The following GPSM1 variants were observed in gnomAD, a reference collection of about 807,000 sequenced individuals.
The protein encoded by GPSM1 is G protein signaling modulator 1.
GPSM1 carries 48 observed loss-of-function variants against 70.5 expected under a neutral mutation model. That is an observed-to-expected ratio of 0.68 (90% CI 0.54 to 0.87). GPSM1 has a LOEUF of 0.87. GPSM1 is among the 40% of genes least tolerant of loss of function. The probability of loss-of-function intolerance (pLI) is 0.00; values close to 1 mark genes in which losing one functional copy is unlikely to be tolerated. For missense variants in GPSM1, 981 were observed against 972.6 expected (o/e 1.01, Z -0.11); for synonymous variants, 416 against 430.1 (o/e 0.97, Z 0.41).
intron 9 of GPSM1, among the ~76,000 whole-genome samples, chr9:136,344,060 G>C (rs1554770794): frequency 6.6e-6 from 1 of 152,070 alleles, no homozygotes; most frequent in African/African-American, 2.4e-5. Context: ...CAGCTGATAG[G>C]TGAGGAACGG....
chr9:136,328,518 A>G (rs1194246467), intron 1 of GPSM1, among the ~76,000 whole-genome samples: 1 of 152,106 alleles, frequency 6.6e-6, no homozygotes, highest in Non-Finnish European at 1.5e-5. Context: ...AGAGCGAGGG[A>G]CACTATTGTC....
rs1012469471 is a variant in GPSM1, at chr9:136,343,955, A to G, written c.1207+2962A>G. On this transcript the variant is annotated intron_variant, in intron 9 of 13. Transcript: ENST00000440944. This position sits in a 1 kb window ranked among gnomAD's most constrained non-coding sequence, Gnocchi z 6.0. The stretch of plus-strand genomic sequence containing the variant: ...ACAGGGTCCCGCACGCAGCAGATAC[A>G]CAGTAAATGCCTGCTGCTTGGTCAC... Among the ~76,000 whole-genome samples, 8 of 152,108 alleles carry G rather than the reference A, an allele frequency of 5.3e-5. No homozygotes were observed. The South Asian group carries it at 1.4e-3, about 28-fold the overall frequency.
intron 12 of GPSM1, among the ~76,000 whole-genome samples, chr9:136,356,110 C>A (rs573322275): frequency 1.4e-5 from 2 of 144,676 alleles, no homozygotes; most frequent in Non-Finnish European, 3.2e-5. Flanking sequence ...CGTTCTCCTC[C>A]TGTCTCCTCC....
At position 136,341,416 on chromosome 9, in the gene GPSM1, G is replaced by A. The variant is rs147997335; in HGVS notation, c.1207+423G>A. 6.9e-4 allele frequency: 971 copies of A among 1,416,772 alleles called. 14 individuals carry two copies. The African/African-American group carries it at 0.013, about 19-fold the overall frequency. The allele number at this position is 1,416,772 out of a possible 1,614,324, so 87.8% of individuals were successfully genotyped here. A position where few individuals can be genotyped will look rare whatever the true frequency, so the allele number is the denominator to read the frequency against. On this transcript the variant is annotated intron_variant, in intron 9 of 13. Coordinates refer to ENST00000440944, the MANE Select transcript of GPSM1 (RefSeq NM_001145638.3). This position sits in a 1 kb window ranked among gnomAD's most constrained non-coding sequence, Gnocchi z 6.7. Reference sequence around the variant, plus strand: ...TGGGCTGTGGGAGCCCTATGTGCCTGGGGCAGTAATCAGGCAAGGCCCAAG... The same window carrying A: ...TGGGCTGTGGGAGCCCTATGTGCCTAGGGCAGTAATCAGGCAAGGCCCAAG...
chr9:136,327,731 C>T lies in GPSM1; in HGVS notation c.36C>T (p.Leu12=), dbSNP rs1554768051. ...CGGCCCCGCCCGCGGCCGACGAGCT[C>T]CCGGGCCCGGCCGCCAGGCGCCTCT... ...AGPAPPAADE[L]PGPAARRLYS... The change falls in exon 1 of 14, where the codon CTC becomes CTT. Residue 12 remains leucine (L), a synonymous_variant. Coordinates refer to ENST00000440944, the MANE Select transcript of GPSM1 (RefSeq NM_001145638.3). 1 of 1,190,916 alleles carries T rather than the reference C, an allele frequency of 8.4e-7. No homozygotes were observed. Among genetic ancestry groups the T allele is most frequent in the Non-Finnish European group, 1.0e-6 (1 of 962,658 alleles). The allele number at this position is 1,190,916 out of a possible 1,614,324, so 73.8% of individuals were successfully genotyped here.
At chr9:136,335,504 G>C (rs546379300) in intron 2 of GPSM1, among the ~76,000 whole-genome samples, 3 of 152,104 alleles carry the variant, frequency 2.0e-5, no homozygotes, top group Non-Finnish European at 2.9e-5. Context: ...CAACCCTCCC[G>C]CACTGGCCAG....
chr9:136,354,082 C>T (rs2131414458), intron 11 of GPSM1, among the ~76,000 whole-genome samples: 1 of 152,278 alleles, frequency 6.6e-6, no homozygotes, highest in African/African-American at 2.4e-5. Flanking sequence ...ACTCTCCCTC[C>T]TCAGGTCTGC....
chr9:136,338,443 C>T, intron 6 of GPSM1, 112 bp from the exon 7 acceptor site: 1 of 1,017,806 alleles, frequency 9.8e-7, no homozygotes, highest in Non-Finnish European at 1.4e-6. Context: ...CAGAGAGGCC[C>T]CAGTGGGATT....
rs1223468708 is a variant in GPSM1, at chr9:136,358,333, C to T, written c.*113C>T. ...CGAGGACAGGCACTGGGCATGCAGC[C>T]CCACGGCCTCCCCGACCCAGGGCGA... On this transcript the variant is annotated 3_prime_UTR_variant, in exon 14 of 14. Coordinates refer to ENST00000440944, the MANE Select transcript of GPSM1 (RefSeq NM_001145638.3). 7.7e-5 allele frequency: 75 copies of T among 975,254 alleles called. No individual in the cohort carries two copies. The highest frequency in any genetic ancestry group is 1.0e-4 in the Non-Finnish European group (69 of 661,874). 60.4% of individuals were successfully genotyped at this position (975,254 alleles called of 1,614,324 possible).
rs1242647395 is a variant in GPSM1 at position 136,341,179 on chromosome 9, C to G, written c.1207+186C>G. 1 of 1,547,712 alleles carries G rather than the reference C, an allele frequency of 6.5e-7. No individual in the cohort carries two copies. The highest frequency in any genetic ancestry group is 2.4e-5 in the East Asian group (1 of 40,876). On this transcript the variant is annotated intron_variant, in intron 9 of 13. Transcript: ENST00000440944. This position sits in a 1 kb window ranked among gnomAD's most constrained non-coding sequence, Gnocchi z 6.7. ...GGCCTGAGGTTCACCCTGAGCCCTT[C>G]CCACCCGCATCCTGAGTGGCGCTGC...
Position 136,327,709 on chromosome 9 carries a change from C to A in GPSM1, c.14C>A (p.Ala5Asp), listed in dbSNP as rs1554768033. The change falls in exon 1 of 14, where the codon GCC becomes GAC. Residue 5 changes from alanine (A) to aspartate (D), a missense_variant. Coordinates refer to ENST00000440944, the MANE Select transcript of GPSM1 (RefSeq NM_001145638.3). MAGPAPPAADELPGP... is the reference protein window; with the variant it reads MAGPDPPAADELPGP... ...CGTCCCCGACCCATGGCGGGCCCGGCCCCGCCCGCGGCCGACGAGCTCCCG... is the reference window on the plus strand; with the variant it reads ...CGTCCCCGACCCATGGCGGGCCCGGACCCGCCCGCGGCCGACGAGCTCCCG... 1 of 1,160,472 alleles carries A rather than the reference C, an allele frequency of 8.6e-7. No homozygotes were observed. The highest frequency in any genetic ancestry group is 1.1e-6 in the Non-Finnish European group (1 of 943,082). The allele number at this position is 1,160,472 out of a possible 1,614,324, so 71.9% of individuals were successfully genotyped here. A position where few individuals can be genotyped will look rare whatever the true frequency, so the allele number is the denominator to read the frequency against.
rs369944678 is a variant in GPSM1, at chr9:136,341,133, C to T, written c.1207+140C>T. ...AAATGGCGCCTACAAGCCAGTTCTT[C>T]TTGGCCTCAGGGACAGCACAGGCCT... On this transcript the variant is annotated intron_variant, in intron 9 of 13. Transcript: ENST00000440944. This position sits in a 1 kb window ranked among gnomAD's most constrained non-coding sequence, Gnocchi z 6.7. The T allele has an allele frequency of 2.6e-5, 40 of 1,550,134 alleles. No homozygotes were observed. The South Asian group carries it at 3.0e-4, about 12-fold the overall frequency.
At position 136,335,257 on chromosome 9, in the gene GPSM1, G is replaced by C. The variant is rs1832205247; in HGVS notation, c.290+589G>C. On this transcript the variant is annotated intron_variant, in intron 2 of 13. Transcript: ENST00000440944. ...TGGTCCTGCCCTGGGGGCTGTCCCT[G>C]CTTTCCCATGGACCCCAAGCTCCCA... is the stretch of plus-strand genomic sequence containing the variant. 1.3e-5 allele frequency among the ~76,000 whole-genome samples: 2 copies of C among 151,968 alleles called. 1 individual carries two copies. Among genetic ancestry groups the C allele is most frequent in the African/African-American group, 4.8e-5 (2 of 41,346 alleles).
In GPSM1 at chr9:136,337,474, C is replaced by T; in HGVS notation, c.612C>T (p.Asp204=). Residue 204 remains aspartate, a synonymous_variant, in exon 5 of 14, where the codon GAC becomes GAT. Coordinates refer to ENST00000440944, the MANE Select transcript of GPSM1 (RefSeq NM_001145638.3). ...TGTCCCTGGTGAAGGAGCTGGGCGA[C>T]CGTGCGGCGCAGGGCAGGGCCTACG... ...RNLSLVKELG[D]RAAQGRAYGN... 3.2e-6 allele frequency: 5 copies of T among 1,568,070 alleles called. No homozygotes were observed. The highest frequency in any genetic ancestry group is 2.3e-5 in the East Asian group (1 of 43,258).
chr9:136,332,694 T>A (rs1191235896), intron 1 of GPSM1, among the ~76,000 whole-genome samples: 1 of 151,964 alleles, frequency 6.6e-6, no homozygotes, highest in African/African-American at 2.4e-5. Flanking sequence ...GGCATCCGGA[T>A]GGCCATTCCC....
chr9:136,339,626 G>A, intron 7 of GPSM1, 81 bp from the exon 8 acceptor site: 2 of 966,530 alleles, frequency 2.1e-6, no homozygotes, highest in South Asian at 1.4e-5. Context: ...TCATGCTGGG[G>A]CCGTGACCAC....
intron 11 of GPSM1, among the ~76,000 whole-genome samples, chr9:136,352,256 A>AGCCCC: frequency 9.9e-6 from 1 of 100,794 alleles, no homozygotes; most frequent in African/African-American, 4.0e-5. Context: ...GGTGACACCG[A>AGCCCC]TGCTGCGCCG....
At position 136,353,850 on chromosome 9, in the gene GPSM1, C is replaced by T. The variant is rs951775184; in HGVS notation, c.1456-1840C>T. ...GAGGCCACATCCTCCTGGGGAGGTA[C>T]CTGTGTGGCCCCAACTGGCACTCAG... On this transcript the variant is annotated intron_variant, in intron 11 of 13. Coordinates refer to ENST00000440944, the MANE Select transcript of GPSM1 (RefSeq NM_001145638.3). Among the ~76,000 whole-genome samples, 6 of 152,162 alleles carry T rather than the reference C, an allele frequency of 3.9e-5. No homozygotes were observed. In the East Asian group the frequency reaches 7.7e-4, roughly 20 times the overall value.
intron 9 of GPSM1, among the ~76,000 whole-genome samples, chr9:136,345,944 C>T (rs28556623): frequency 0.047 from 7,159 of 152,280 alleles, 569 homozygotes; most frequent in African/African-American, 0.16. Flanking sequence ...GAGGCTGGGG[C>T]GGCTCCACCT....
Sources: allele counts gnomAD v4.1 joint callset (sites outside exome capture counted in the v4.1 genomes callset), GRCh38; gene constraint gnomAD v4.1.1; non-coding constraint Gnocchi (gnomAD v3.1); transcripts MANE v1.5; gene names NCBI Gene and HGNC (gene_info 2026-07-23, HGNC 2026-07-21).